HFM1: variants seen among roughly 807,000 people sequenced by gnomAD.
The protein encoded by HFM1 is probable ATP-dependent DNA helicase HFM1.
HFM1 carries 169 observed loss-of-function variants against 192.1 expected under a neutral mutation model. The observed-to-expected ratio is 0.88, with a 90% CI of 0.78 to 1.00. The LOEUF (loss-of-function observed/expected upper bound fraction) is 1.00. HFM1 is among the 50% of genes least tolerant of loss of function. The pLI, the probability that HFM1 is intolerant of heterozygous loss-of-function variation, is 0.00. For missense variants in HFM1, 1,661 were observed against 1,668.0 expected (o/e 1.00, Z 0.07); for synonymous variants, 525 against 537.8 (o/e 0.98, Z 0.33).
At position 91,264,073 on chromosome 1, in the gene HFM1, C is replaced by T. The variant is rs1006947757; in HGVS notation, c.3975-1481G>A. Among the ~76,000 whole-genome samples, 36 of 152,082 alleles carry T rather than the reference C, an allele frequency of 2.4e-4. 1 individual carries two copies. The highest frequency in any genetic ancestry group is 8.7e-4 in the African/African-American group (36 of 41,388). ...AAAGAAACAAAGTGATAAAAAGACT[C>T]ATTTTAAGCAAATGTTTTAAAAAGC... On this transcript the variant is annotated intron_variant, in intron 36 of 38. Transcript: ENST00000370425.
intron 20 of HFM1, among the ~76,000 whole-genome samples, chr1:91,338,282 A>T (rs1399393648): frequency 2.0e-5 from 3 of 152,194 alleles, no homozygotes; most frequent in Non-Finnish European, 2.9e-5. Flanking sequence ...TACAGTCAGG[A>T]ATGCCAATCC....
intron 4 of HFM1, among the ~76,000 whole-genome samples, chr1:91,389,350 C>T (rs1300237378): frequency 6.6e-6 from 1 of 151,976 alleles, no homozygotes; most frequent in Admixed American, 6.6e-5. Context: ...TTAGTAGAGA[C>T]AGGGTTTTAC....
chr1:91,404,269 TG>T (rs1334003387), intron 1 of HFM1, among the ~76,000 whole-genome samples: 2 of 152,222 alleles, frequency 1.3e-5, no homozygotes, highest in African/African-American at 4.8e-5. Context: ...AACAGCTCTG[TG>T]GATTTCCTAA....
chr1:91,284,265 T>TA (rs1431742737), intron 30 of HFM1, among the ~76,000 whole-genome samples: 1 of 151,502 alleles, frequency 6.6e-6, no homozygotes, highest in East Asian at 1.9e-4. Context: ...TTTTTTGAGA[T>TA]AGAGTTTTGC....
intron 30 of HFM1, among the ~76,000 whole-genome samples, chr1:91,294,097 C>G (rs944830392): frequency 2.6e-4 from 39 of 150,794 alleles, no homozygotes; most frequent in Non-Finnish European, 2.5e-4. Flanking sequence ...ATACCTAATG[C>G]TAGATGACGA....
At chr1:91,319,845 TTTATTAAATGC>T (rs1243564380) in intron 23 of HFM1, among the ~76,000 whole-genome samples, 1 of 152,202 alleles carries the variant, frequency 6.6e-6, no homozygotes, top group African/African-American at 2.4e-5. Flanking sequence ...TCAACACATT[TTTATTAAATGC>T]TTATTAAGTG....
At chr1:91,339,080 C>T in intron 20 of HFM1, 1 of 453,636 alleles carries the variant, frequency 2.2e-6, no homozygotes, top group Admixed American at 2.4e-5. Flanking sequence ...CAGTAAATCT[C>T]AATGACATCA....
intron 13 of HFM1, among the ~76,000 whole-genome samples, chr1:91,364,586 G>C (rs1354707378): frequency 7.5e-6 from 1 of 132,912 alleles, no homozygotes; most frequent in Non-Finnish European, 1.6e-5. Context: ...ATCTGTGTGT[G>C]TATATATACA....
At chr1:91,329,390 C>T in intron 20 of HFM1, 1 of 1,584,098 alleles carries the variant, frequency 6.3e-7, no homozygotes, top group Non-Finnish European at 8.6e-7. Context: ...GCACCCAGGG[C>T]CGCCTGGATG....
chr1:91,283,578 A>G (rs1240121806), intron 30 of HFM1, among the ~76,000 whole-genome samples: 1 of 152,200 alleles, frequency 6.6e-6, no homozygotes, highest in African/African-American at 2.4e-5. Flanking sequence ...AGTATACTCT[A>G]AAGATAGCAG....
intron 20 of HFM1, among the ~76,000 whole-genome samples, chr1:91,332,173 C>A (rs1208383224): frequency 2.6e-5 from 4 of 152,188 alleles, no homozygotes; most frequent in Admixed American, 6.5e-5. Context: ...AAGAACAAAA[C>A]TGGAGGAATT....
At position 91,286,806 on chromosome 1, in the gene HFM1, C is replaced by T. The variant is rs541010021; in HGVS notation, c.3392-9744G>A. On this transcript the variant is annotated intron_variant, in intron 30 of 38. Transcript: ENST00000370425. The stretch of plus-strand genomic sequence containing the variant: ...GGCACAGGTCAGTGGGTGCAGTGCA[C>T]CGTGCGCCAGCCGAAGCAAGGCGAG... Among the ~76,000 whole-genome samples the T allele has an allele frequency of 5.3e-5, 8 of 152,292 alleles. 1 individual carries two copies. The South Asian group carries it at 1.2e-3, about 24-fold the overall frequency.
chr1:91,382,956 C>T (rs1052421920), intron 6 of HFM1, among the ~76,000 whole-genome samples: 3 of 152,080 alleles, frequency 2.0e-5, no homozygotes, highest in Non-Finnish European at 4.4e-5. Flanking sequence ...GTCTATTGCC[C>T]TGAGGATTCA....
chr1:91,384,337 G>A (rs907523258), intron 6 of HFM1, among the ~76,000 whole-genome samples: 1 of 152,052 alleles, frequency 6.6e-6, no homozygotes, highest in African/African-American at 2.4e-5. Flanking sequence ...CAAAATAAGT[G>A]CACTATCATA....
chr1:91,380,373 T>G lies in HFM1; in HGVS notation c.874-137A>C, dbSNP rs895319891. On this transcript the variant is annotated intron_variant, in intron 7 of 38. Transcript: ENST00000370425. ...TTTTCCTCTAAAGTTATAAAAATTG[T>G]AACTTTGCTCCAGAGCCTCCACTCT... 6 of 536,018 alleles carry G rather than the reference T, an allele frequency of 1.1e-5. No individual in the cohort carries two copies. In the Admixed American group the frequency reaches 1.8e-4, roughly 17 times the overall value. The allele number at this position is 536,018 out of a possible 1,614,324, so 33.2% of individuals were successfully genotyped here. A position where few individuals can be genotyped will look rare whatever the true frequency, so the allele number is the denominator to read the frequency against.
At chr1:91,345,063 T>C (rs1655948565) in intron 19 of HFM1, among the ~76,000 whole-genome samples, 2 of 152,180 alleles carry the variant, frequency 1.3e-5, no homozygotes, top group South Asian at 2.1e-4. Context: ...GTATTTCTCA[T>C]AAACGCTACA....
In HFM1 at chr1:91,367,042, C is replaced by T. The variant is rs539872208; in HGVS notation, c.1685+8316G>A. ...AGCAGTCTGAGATCAAACTGCAAGG[C>T]GGCAGTGAGGCTGGGGGAGGGGCAC... On this transcript the variant is annotated intron_variant, in intron 13 of 38. Coordinates refer to ENST00000370425, the MANE Select transcript of HFM1 (RefSeq NM_001017975.6). 2.0e-3 allele frequency among the ~76,000 whole-genome samples: 305 copies of T among 152,236 alleles called. 2 individuals are homozygous for T. The highest frequency in any genetic ancestry group is 6.7e-3 in the African/African-American group (279 of 41,542).
At chr1:91,378,289 T>C (rs1661151004) in intron 10 of HFM1, 106 bp from the exon 11 acceptor site, 1 of 1,259,260 alleles carries the variant, frequency 7.9e-7, no homozygotes, top group Admixed American at 2.2e-5. Flanking sequence ...AAATGAGCAT[T>C]TTCCACTTGA....
intron 13 of HFM1, among the ~76,000 whole-genome samples, chr1:91,365,972 A>G (rs1659248118): frequency 6.6e-6 from 1 of 151,526 alleles, no homozygotes; most frequent in Non-Finnish European, 1.5e-5. Flanking sequence ...GTTCCTGAAA[A>G]AAAAAAAAAA....
Sources: gnomAD v4.1 joint callset for allele counts (sites outside exome capture counted in the v4.1 genomes callset) on GRCh38, gnomAD v4.1.1 for gene constraint, MANE v1.5 for transcripts, NCBI Gene and HGNC (gene_info 2026-07-23, HGNC 2026-07-21) for gene names.